Variants in FARSB observed in about 807,000 individuals in gnomAD.
FARSB encodes phenylalanyl-tRNA synthetase subunit beta, also known as phenylalanine--tRNA ligase beta subunit.
FARSB carries 40 observed loss-of-function variants against 69.6 expected under a neutral mutation model. The observed-to-expected ratio is 0.57, with a 90% CI of 0.45 to 0.75. The LOEUF (loss-of-function observed/expected upper bound fraction) is 0.75. Ranked by LOEUF, FARSB falls within the 30% of genes least tolerant of loss-of-function variation. FARSB has a pLI of 0.00. For synonymous variants in FARSB, 235 were observed against 247.2 expected (o/e 0.95, Z 0.46); for missense variants, 632 against 722.9 (o/e 0.87, Z 1.44).
At chr2:222,574,779 T>C (rs1239592481) in intron 16 of FARSB, among the ~76,000 whole-genome samples, 2 of 152,234 alleles carry the variant, frequency 1.3e-5, no homozygotes, top group South Asian at 2.1e-4. Context: ...GTGATTTTCT[T>C]ATCGACTCCT....
At chr2:222,598,592 C>T (rs935436946) in intron 16 of FARSB, among the ~76,000 whole-genome samples, 1 of 152,140 alleles carries the variant, frequency 6.6e-6, no homozygotes, top group African/African-American at 2.4e-5. Context: ...AGAAATGCTT[C>T]ACATCAGCTT....
At chr2:222,573,499 A>T (rs1689763557) in intron 16 of FARSB, among the ~76,000 whole-genome samples, 1 of 152,206 alleles carries the variant, frequency 6.6e-6, no homozygotes, top group African/African-American at 2.4e-5. Context: ...TATTAATATG[A>T]ATATTCACAT....
Position 222,624,752 on chromosome 2 carries a change from C to A in FARSB, c.924G>T (p.Met308Ile). 6.2e-7 allele frequency: 1 copy of A among 1,603,916 alleles called. No homozygotes were observed. ...TTTTGTTAATTAGGTCAGCTCTCAC[C>A]ATCTCCTTTCGGTAAGCTAATTCCT... Reference protein sequence around the residue: ...TFPELAYRKEMVRADLINKKV... With the variant: ...TFPELAYRKEIVRADLINKKV... Residue 308 changes from methionine (M) to isoleucine (I), a missense_variant, in exon 11 of 17, where the codon ATG (methionine) becomes ATT (isoleucine). Transcript: ENST00000281828.
At chr2:222,593,242 G>A (rs1000638806) in intron 16 of FARSB, among the ~76,000 whole-genome samples, 2 of 152,132 alleles carry the variant, frequency 1.3e-5, no homozygotes, top group African/African-American at 4.8e-5. Flanking sequence ...AAAATGGTTT[G>A]CATTGCTCCA....
chr2:222,629,465 AC>A (rs1691362976), intron 9 of FARSB, among the ~76,000 whole-genome samples: 1 of 152,098 alleles, frequency 6.6e-6, no homozygotes, highest in South Asian at 2.1e-4. Flanking sequence ...ATGCTTCTCT[AC>A]CTCTGTTTAG....
chr2:222,644,938 CTG>C (rs1394983994), intron 2 of FARSB, among the ~76,000 whole-genome samples: 1 of 150,546 alleles, frequency 6.6e-6, no homozygotes, highest in Non-Finnish European at 1.5e-5. Flanking sequence ...AGGCAAAAAA[CTG>C]TGGATAAGGA....
chr2:222,590,674 A>T (rs1355302695), intron 16 of FARSB, among the ~76,000 whole-genome samples: 3 of 151,900 alleles, frequency 2.0e-5, no homozygotes, highest in African/African-American at 7.3e-5. Context: ...TTAAAAGAGG[A>T]GTTCCTGTAT....
At chr2:222,578,179 A>G (rs1689882294) in intron 16 of FARSB, among the ~76,000 whole-genome samples, 1 of 152,252 alleles carries the variant, frequency 6.6e-6, no homozygotes, top group Non-Finnish European at 1.5e-5. Context: ...CAATATGTAT[A>G]GAATATATTT....
At chr2:222,614,261 T>C (rs886567571) in intron 14 of FARSB, among the ~76,000 whole-genome samples, 9 of 152,212 alleles carry the variant, frequency 5.9e-5, no homozygotes, top group Non-Finnish European at 1.2e-4. Context: ...TATTTTATTT[T>C]TTCTTTTTTT....
At chr2:222,647,929 G>A (rs1428618831) in intron 2 of FARSB, among the ~76,000 whole-genome samples, 1 of 152,154 alleles carries the variant, frequency 6.6e-6, no homozygotes. Context: ...GTAAAAGGTT[G>A]CTTGGGCCAC....
intron 16 of FARSB, among the ~76,000 whole-genome samples, chr2:222,589,432 C>T (rs1211930498): frequency 1.3e-5 from 2 of 152,070 alleles, no homozygotes; most frequent in Non-Finnish European, 2.9e-5. Context: ...CTAGGCAATA[C>T]CATTCAGGAC....
chr2:222,634,551 G>T lies in FARSB; in HGVS notation c.456-10C>A, dbSNP rs761846861. The T allele has an allele frequency of 6.2e-7, 1 of 1,607,178 alleles. No homozygotes were observed. The highest frequency in any genetic ancestry group is 1.1e-5 in the South Asian group (1 of 89,940). The stretch of plus-strand genomic sequence containing the variant: ...AACCAGTGCTCTTTTCCTAATTGTT[G>T]AGAGGTTGAGGGAGAAGGAGGGAGG... On this transcript the variant is annotated splice_polypyrimidine_tract_variant and intron_variant, in intron 5 of 16. Transcript: ENST00000281828.
Position 222,598,828 on chromosome 2 carries a change from A to G in FARSB, c.1618+1100T>C, listed in dbSNP as rs1414120862. On this transcript the variant is annotated intron_variant, in intron 16 of 16. Coordinates refer to ENST00000281828, the MANE Select transcript of FARSB (RefSeq NM_005687.5). ...GGGCTCGTGGGCTGGATGAACTCCA[A>G]AATCCAGTTCTAACATCTAGAACTC... Among the ~76,000 whole-genome samples, 17 of 152,238 alleles carry G rather than the reference A, an allele frequency of 1.1e-4. 1 individual carries two copies. Among genetic ancestry groups the G allele is most frequent in the Admixed American group, 1.0e-3 (16 of 15,290 alleles).
intron 2 of FARSB, among the ~76,000 whole-genome samples, chr2:222,647,106 C>T (rs754067619): frequency 2.6e-5 from 4 of 152,194 alleles, no homozygotes; most frequent in Non-Finnish European, 5.9e-5. Flanking sequence ...AGTCAAACTA[C>T]CCAGCTGGGG....
At chr2:222,598,610 G>A (rs775173448) in intron 16 of FARSB, among the ~76,000 whole-genome samples, 3 of 152,210 alleles carry the variant, frequency 2.0e-5, no homozygotes, top group Non-Finnish European at 4.4e-5. Context: ...CTTACAGGTT[G>A]CCATAAGCCT....
chr2:222,582,144 T>C (rs911917372), intron 16 of FARSB, among the ~76,000 whole-genome samples: 32 of 152,214 alleles, frequency 2.1e-4, no homozygotes, highest in African/African-American at 7.7e-4. Flanking sequence ...ACACAATCTG[T>C]AATAGCAAAA....
intron 15 of FARSB, among the ~76,000 whole-genome samples, chr2:222,612,728 A>G (rs1690891039): frequency 6.6e-6 from 1 of 152,192 alleles, no homozygotes; most frequent in South Asian, 2.1e-4. Flanking sequence ...TCACCAAGGG[A>G]CCAATGCACA....
rs189777007 is a variant in FARSB, at chr2:222,646,180, T to C, written c.114+2560A>G. On this transcript the variant is annotated intron_variant, in intron 2 of 16. Coordinates refer to ENST00000281828, the MANE Select transcript of FARSB (RefSeq NM_005687.5). ...ACCAAATTCTCCATAATCCATCCTG[T>C]ACTAAAATTGGTTGACTCTTCCTCC... Among the ~76,000 whole-genome samples, 60 of 152,348 alleles carry C rather than the reference T, an allele frequency of 3.9e-4. No individual in the cohort carries two copies. In the East Asian group the frequency reaches 8.7e-3, roughly 22 times the overall value.
chr2:222,613,823 CT>C lies in FARSB; in HGVS notation c.1449del (p.Asp484IlefsTer6). On this transcript the variant is annotated frameshift_variant, in exon 15 of 17. Transcript: ENST00000281828. LOFTEE classifies it high-confidence loss of function. ...KLFEISDIVI[K>X]DSNTDVGAKN... Reference sequence around the variant, plus strand: ...GACTTATTCTTACCTGTATTAGAATCTTTTATTACAATGTCAGAGATTTCAA... The same window carrying C: ...GACTTATTCTTACCTGTATTAGAATCTTTATTACAATGTCAGAGATTTCAA... 6.3e-7 allele frequency: 1 copy of C among 1,576,692 alleles called. No homozygotes were observed. The highest frequency in any genetic ancestry group is 8.7e-7 in the Non-Finnish European group (1 of 1,145,964).
Sources: allele counts gnomAD v4.1 joint callset (sites outside exome capture counted in the v4.1 genomes callset), GRCh38; gene constraint gnomAD v4.1.1; transcripts MANE v1.5; gene names NCBI Gene and HGNC (gene_info 2026-07-23, HGNC 2026-07-21).